Variants in TPCN2 observed in about 807,000 individuals in gnomAD.
The protein encoded by TPCN2 is two pore segment channel 2.
A neutral mutation model predicts 111.4 loss-of-function variants in TPCN2; 92 were observed. That is an observed-to-expected ratio of 0.83 (90% CI 0.70 to 0.98). The LOEUF is 0.98. TPCN2 is among the 50% of genes least tolerant of loss of function. TPCN2 has a pLI of 0.00. For missense variants in TPCN2, 995 were observed against 980.1 expected, an observed-to-expected ratio of 1.02 and a Z score of -0.20; for synonymous variants, 405 against 414.5, an observed-to-expected ratio of 0.98 and a Z score of 0.28.
rs1353007246 is a variant in TPCN2 at position 69,077,284 on chromosome 11, A to G, written c.1231-1198A>G. Among the ~76,000 whole-genome samples, 77 of 16,306 alleles carry G rather than the reference A, an allele frequency of 4.7e-3. 13 individuals are homozygous for G. The highest frequency in any genetic ancestry group is 5.1e-3 in the Non-Finnish European group (34 of 6,684). 10.7% of individuals were successfully genotyped at this position (16,306 alleles called of 152,430 possible). ...CCACCTGCCCTCCTGCCCTCCTGCC[A>G]TGTCCCTCCACTTGCCCTCCTGCCG... On this transcript the variant is annotated intron_variant, in intron 13 of 24. Transcript: ENST00000294309.
chr11:69,085,102 G>T, intron 19 of TPCN2, 108 bp from the exon 20 acceptor site: 2 of 1,080,022 alleles, frequency 1.9e-6, no homozygotes, highest in South Asian at 2.5e-5. Flanking sequence ...CTGGGCAGAG[G>T]GTCCTGGCCT....
chr11:69,051,810 A>G (rs1187207513), intron 1 of TPCN2, among the ~76,000 whole-genome samples: 1 of 152,134 alleles, frequency 6.6e-6, no homozygotes, highest in Admixed American at 6.5e-5. Flanking sequence ...AGCCTGAGTA[A>G]AGGGTTGGAG....
At chr11:69,055,947 G>A (rs759536319) in intron 4 of TPCN2, among the ~76,000 whole-genome samples, 1 of 152,252 alleles carries the variant, frequency 6.6e-6, no homozygotes, top group Non-Finnish European at 1.5e-5. Flanking sequence ...GCACACAGCA[G>A]CTGCTGCATG....
At position 69,089,266 on chromosome 11, in the gene TPCN2, CAAT is replaced by C. The variant is rs1856376677; in HGVS notation, c.*1315_*1317del. On this transcript the variant is annotated 3_prime_UTR_variant, in exon 25 of 25. Coordinates refer to ENST00000294309, the MANE Select transcript of TPCN2 (RefSeq NM_139075.4). The stretch of plus-strand genomic sequence containing the variant: ...ATAATAACAATAACAATAACAATAA[CAAT>C]ATGGAAACCACCGCAAACTTGGAGA... 1 of 138,460 alleles carries C rather than the reference CAAT, an allele frequency of 7.2e-6. No individual in the cohort carries two copies. The highest frequency in any genetic ancestry group is 7.2e-5 in the Admixed American group (1 of 13,924). The allele number at this position is 138,460 out of a possible 1,614,324, so 8.6% of individuals were successfully genotyped here. A position where few individuals can be genotyped will look rare whatever the true frequency, so the allele number is the denominator to read the frequency against.
At chr11:69,053,456 G>C (rs971078248) in intron 1 of TPCN2, among the ~76,000 whole-genome samples, 1 of 152,176 alleles carries the variant, frequency 6.6e-6, no homozygotes, top group African/African-American at 2.4e-5. Flanking sequence ...TGTTGAATCC[G>C]AGGTCTGGTT....
chr11:69,057,574 G>A lies in TPCN2; in HGVS notation c.430-4G>A. 1 of 1,613,878 alleles carries A rather than the reference G, an allele frequency of 6.2e-7. No homozygotes were observed. Among genetic ancestry groups the A allele is most frequent in the Non-Finnish European group, 8.5e-7 (1 of 1,179,742 alleles). ...TGCTGCTCACCCGCCCGTCTATCTTGCAGGGTTACCTGTTCGGGTGGGCCC... is the reference window on the plus strand; with the variant it reads ...TGCTGCTCACCCGCCCGTCTATCTTACAGGGTTACCTGTTCGGGTGGGCCC... On this transcript the variant is annotated splice_polypyrimidine_tract_variant and splice_region_variant and intron_variant, in intron 4 of 24. Coordinates refer to ENST00000294309, the MANE Select transcript of TPCN2 (RefSeq NM_139075.4).
rs762453570 is a variant in TPCN2, at chr11:69,070,443, G to A, written c.843G>A (p.Ala281=). The part of the protein sequence containing the change: ...TANNPDVMIP[A]YSKNRAYAIF... Reference sequence around the variant, plus strand: ...TTTTTCTTTTAGTGATGATTCCTGCGTATTCCAAGAACCGGGCCTATGCCA... The same window carrying A: ...TTTTTCTTTTAGTGATGATTCCTGCATATTCCAAGAACCGGGCCTATGCCA... The change falls in exon 9 of 25, where the codon GCG becomes GCA. Residue 281 remains alanine, a synonymous_variant. Transcript: ENST00000294309. The A allele has an allele frequency of 8.7e-6, 14 of 1,612,300 alleles. No homozygotes were observed. The highest frequency in any genetic ancestry group is 1.6e-4 in the Middle Eastern group (1 of 6,080).
chr11:69,074,466 A>G (rs1855667511), intron 13 of TPCN2, among the ~76,000 whole-genome samples: 1 of 152,234 alleles, frequency 6.6e-6, no homozygotes, highest in African/African-American at 2.4e-5. Context: ...AATAAATTTT[A>G]CCAGGTGCAG....
At chr11:69,067,407 G>C in intron 7 of TPCN2, 96 bp from the exon 8 acceptor site, 2 of 1,118,226 alleles carry the variant, frequency 1.8e-6, no homozygotes, top group South Asian at 1.3e-5. Flanking sequence ...GCTGGGCGGC[G>C]GGTGGATGGT....
At chr11:69,060,292 C>T (rs1389970194) in intron 5 of TPCN2, among the ~76,000 whole-genome samples, 1 of 152,224 alleles carries the variant, frequency 6.6e-6, no homozygotes, top group Non-Finnish European at 1.5e-5. Context: ...CTGAAATGTG[C>T]GTGTGTGTGT....
In TPCN2 at chr11:69,085,767, C is replaced by G. The variant is rs1187048314; in HGVS notation, c.1920+15C>G. 4 of 1,613,838 alleles carry G rather than the reference C, an allele frequency of 2.5e-6. No homozygotes were observed. The Admixed American group carries it at 6.7e-5, about 27-fold the overall frequency. On this transcript the variant is annotated intron_variant, in intron 21 of 24. Transcript: ENST00000294309. Reference sequence around the variant, plus strand: ...ATGACTTTGCGGTGAGCCCTGCGCCCTGTCCCAGCACCCTGCTCCCCGGGC... The same window carrying G: ...ATGACTTTGCGGTGAGCCCTGCGCCGTGTCCCAGCACCCTGCTCCCCGGGC...
intron 24 of TPCN2, 111 bp downstream of exon 24, chr11:69,087,317 C>A: frequency 1.1e-6 from 1 of 881,076 alleles, no homozygotes; most frequent in Non-Finnish European, 1.8e-6. Flanking sequence ...TCCTCCCCCT[C>A]CGCCCGGTTA....
chr11:69,082,414 C>T (rs75914110), intron 18 of TPCN2, among the ~76,000 whole-genome samples: 1 of 152,280 alleles, frequency 6.6e-6, no homozygotes, highest in Admixed American at 6.5e-5. Context: ...CATGCACATA[C>T]ACACGTACAT....
chr11:69,071,270 GCTGTGCTATC>G, intron 9 of TPCN2, 76 bp from the exon 10 acceptor site: 1 of 1,040,382 alleles, frequency 9.6e-7, no homozygotes. Flanking sequence ...CGCCCCCGGC[GCTGTGCTATC>G]CTGTGCCGGC....
At chr11:69,079,961 T>TG in intron 17 of TPCN2, 78 bp downstream of exon 17, 1 of 1,397,350 alleles carries the variant, frequency 7.2e-7, no homozygotes, top group Non-Finnish European at 1.0e-6. Flanking sequence ...GTCTCAGTGG[T>TG]GTCCAGGGGG....
At position 69,073,265 on chromosome 11, in the gene TPCN2, GAC is replaced by G. The variant is rs1483860588; in HGVS notation, c.1230+266_1230+267del. On this transcript the variant is annotated intron_variant, in intron 13 of 24. Coordinates refer to ENST00000294309, the MANE Select transcript of TPCN2 (RefSeq NM_139075.4). ...TCCAAATGGTCTTCTCGGTTTCCAT[GAC>G]AGACTCTCCTTTTCCTGTCTGTCCT... Among the ~76,000 whole-genome samples the G allele has an allele frequency of 5.3e-5, 8 of 152,380 alleles. No individual in the cohort carries two copies. In the East Asian group the frequency reaches 7.7e-4, roughly 15 times the overall value.
At chr11:69,059,065 C>T (rs1169488523) in intron 5 of TPCN2, among the ~76,000 whole-genome samples, 6 of 152,206 alleles carry the variant, frequency 3.9e-5, no homozygotes, top group East Asian at 1.9e-4. Flanking sequence ...ACCTGCTCCG[C>T]GCTCCCTTCG....
chr11:69,066,862 G>A (rs566899036), intron 7 of TPCN2, among the ~76,000 whole-genome samples: 1 of 152,298 alleles, frequency 6.6e-6, no homozygotes, highest in African/African-American at 2.4e-5. Flanking sequence ...CCCGGGCCCG[G>A]AGTCTCAAGC....
chr11:69,064,078 C>G, intron 7 of TPCN2, 111 bp downstream of exon 7: 1 of 1,049,110 alleles, frequency 9.5e-7, no homozygotes, highest in Non-Finnish European at 1.4e-6. Flanking sequence ...CGGACTCTGT[C>G]CAGTAATAGC....
Sources: gnomAD v4.1 joint callset for allele counts (sites outside exome capture counted in the v4.1 genomes callset) on GRCh38, gnomAD v4.1.1 for gene constraint, MANE v1.5 for transcripts, NCBI Gene and HGNC (gene_info 2026-07-23, HGNC 2026-07-21) for gene names.